Variants in GRHL3 observed in about 807,000 individuals in gnomAD.
The protein encoded by GRHL3 is grainyhead-like protein 3 homolog.
In GRHL3, 20 loss-of-function variants were observed where a neutral mutation model predicts 70.3. That is an observed-to-expected ratio of 0.28 (90% CI 0.20 to 0.41). GRHL3 has a LOEUF of 0.41. Among genes scored for constraint, GRHL3 ranks in the 10% least tolerant of loss-of-function variants. The pLI, the probability that GRHL3 is intolerant of heterozygous loss-of-function variation, is 1.00. For missense variants in GRHL3, 637 were observed against 762.3 expected (o/e 0.84, Z 1.94); for synonymous variants, 299 against 299.9 (o/e 1.00, Z 0.03).
rs897195123 is a variant in GRHL3, at chr1:24,322,810, C to G, written c.17+3242C>G. 6.6e-6 allele frequency among the ~76,000 whole-genome samples: 1 copy of G among 152,262 alleles called. No homozygotes were observed. The highest frequency in any genetic ancestry group is 2.4e-5 in the African/African-American group (1 of 41,462). ...AGCCAACATTTATGGAGCGCTGACTCCGCATCTGACATTGTGTCGAGTGCT... is the reference window on the plus strand; with the variant it reads ...AGCCAACATTTATGGAGCGCTGACTGCGCATCTGACATTGTGTCGAGTGCT... On this transcript the variant is annotated intron_variant, in intron 1 of 15. Coordinates refer to ENST00000361548, the MANE Select transcript of GRHL3 (RefSeq NM_198173.3). This position sits in a 1 kb window ranked among gnomAD's most constrained non-coding sequence, Gnocchi z 4.4.
intron 15 of GRHL3, among the ~76,000 whole-genome samples, chr1:24,351,901 C>T (rs1266956966): frequency 6.6e-6 from 1 of 152,190 alleles, no homozygotes; most frequent in Admixed American, 6.5e-5. Flanking sequence ...AAACTGAGGT[C>T]TGCAGTAGTT....
rs1207812332 is a variant in GRHL3, at chr1:24,364,220, A to AC, written c.1736dup (p.Pro580ThrfsTer2). On this transcript the variant is annotated frameshift_variant, in exon 16 of 16. Coordinates refer to the GRHL3 transcript ENST00000350501. LOFTEE classifies it low-confidence loss of function (END_TRUNC). Reference sequence around the variant, plus strand: ...CTCCTCCACCCACGCCTGTCTCGCCACCCCCCACCTGACTGTCTTGAATGT... The same window carrying AC: ...CTCCTCCACCCACGCCTGTCTCGCCACCCCCCCACCTGACTGTCTTGAATGT... 1.3e-6 allele frequency: 2 copies of AC among 1,539,910 alleles called. No homozygotes were observed. The highest frequency in any genetic ancestry group is 1.8e-6 in the Non-Finnish European group (2 of 1,142,112).
chr1:24,347,027 G>A (rs936503484), intron 13 of GRHL3, among the ~76,000 whole-genome samples: 1 of 152,190 alleles, frequency 6.6e-6, no homozygotes, highest in East Asian at 1.9e-4. Flanking sequence ...TGGGGAACAA[G>A]CCCAAACCTC....
intron 1 of GRHL3, among the ~76,000 whole-genome samples, chr1:24,323,390 G>A (rs768203621): frequency 2.6e-5 from 4 of 152,120 alleles, no homozygotes; most frequent in Non-Finnish European, 5.9e-5. Context: ...ATTCTGATGC[G>A]TGTCCAAGTT....
intron 13 of GRHL3, 84 bp downstream of exon 13, chr1:24,346,725 G>A: frequency 1.8e-6 from 2 of 1,082,260 alleles, no homozygotes; most frequent in South Asian, 1.3e-5. Context: ...CCTCCTTGGG[G>A]TGGGGCACGA....
chr1:24,339,619 C>A, intron 7 of GRHL3, 49 bp from the exon 8 acceptor site: 3 of 1,391,372 alleles, frequency 2.2e-6, no homozygotes, highest in South Asian at 1.2e-5. Flanking sequence ...CTCAAGTGGT[C>A]CCAGATCCCT....
downstream of GRHL3, among the ~76,000 whole-genome samples, chr1:24,358,912 T>C (rs760384931): frequency 1.3e-5 from 2 of 152,164 alleles, no homozygotes; most frequent in African/African-American, 2.4e-5. Context: ...AGTAAAGCAA[T>C]ATTCTTAAAG....
chr1:24,350,767 C>T (rs1220544601), intron 15 of GRHL3, among the ~76,000 whole-genome samples: 3 of 152,230 alleles, frequency 2.0e-5, no homozygotes, highest in Admixed American at 2.0e-4. Flanking sequence ...CCTCCTCCAT[C>T]TTTGCTAGAC....
chr1:24,345,432 G>GC (rs1428521917), intron 12 of GRHL3, among the ~76,000 whole-genome samples: 1 of 151,036 alleles, frequency 6.6e-6, no homozygotes, highest in East Asian at 2.0e-4. Flanking sequence ...ACCAGCTTCT[G>GC]CCCCCAGCCC....
chr1:24,335,337 C>T (rs1639757696), intron 3 of GRHL3, among the ~76,000 whole-genome samples: 1 of 152,224 alleles, frequency 6.6e-6, no homozygotes, highest in Non-Finnish European at 1.5e-5. Context: ...CGGCCCAGGC[C>T]ATGCTTAAGA....
intron 13 of GRHL3, 93 bp from the exon 14 acceptor site, chr1:24,347,375 C>T (rs922331654): frequency 3.8e-5 from 43 of 1,117,004 alleles, no homozygotes; most frequent in Non-Finnish European, 5.9e-5. Flanking sequence ...CAGCAGAAGT[C>T]AATCTTCAAG....
chr1:24,336,408 G>A, intron 3 of GRHL3, 74 bp from the exon 4 acceptor site: 1 of 939,434 alleles, frequency 1.1e-6, no homozygotes, highest in Non-Finnish European at 1.6e-6. Context: ...TGTGTCAGTT[G>A]CCTTGCACTC....
chr1:24,357,215 C>T (rs973938100), downstream of GRHL3: 1 of 152,258 alleles, frequency 6.6e-6, no homozygotes, highest in African/African-American at 2.4e-5. Context: ...CGAGGCCTCA[C>T]TGTGGCTGTG....
chr1:24,329,356 G>A (rs969227455), intron 1 of GRHL3, among the ~76,000 whole-genome samples: 3 of 152,188 alleles, frequency 2.0e-5, no homozygotes, highest in Non-Finnish European at 4.4e-5. Flanking sequence ...CAGCAGGAGG[G>A]TACTTCATGC....
At chr1:24,344,485 GAAAAAAAAAAAA>G (rs57193515) in intron 11 of GRHL3, among the ~76,000 whole-genome samples, 8 of 55,794 alleles carry the variant, frequency 1.4e-4, no homozygotes, top group Admixed American at 5.7e-4. Flanking sequence ...TTTCCCCCCA[GAAAAAAAAAAAA>G]AAAAAAAAAA....
At chr1:24,324,074 A>AC (rs1166927697) in intron 1 of GRHL3, among the ~76,000 whole-genome samples, 9 of 152,130 alleles carry the variant, frequency 5.9e-5, no homozygotes, top group Non-Finnish European at 1.2e-4. Context: ...GGGATGTGGC[A>AC]CCCCCGGGTT....
At chr1:24,343,452 G>A (rs1361225483) in intron 11 of GRHL3, among the ~76,000 whole-genome samples, 1 of 152,134 alleles carries the variant, frequency 6.6e-6, no homozygotes, top group Admixed American at 6.5e-5. Context: ...TGGATCTGTG[G>A]GGTAGAAATG....
chr1:24,327,592 C>T (rs1196951510), intron 1 of GRHL3, among the ~76,000 whole-genome samples: 2 of 152,150 alleles, frequency 1.3e-5, no homozygotes, highest in African/African-American at 4.8e-5. Context: ...GCAGGTCTTC[C>T]CTCCTCCCTC....
intron 15 of GRHL3, among the ~76,000 whole-genome samples, chr1:24,350,574 C>A (rs542433107): frequency 1.2e-4 from 18 of 152,314 alleles, no homozygotes; most frequent in Admixed American, 7.8e-4. Flanking sequence ...GAAACTGAGG[C>A]TCAGAGGTAA....
Sources: gnomAD v4.1 joint callset for allele counts (sites outside exome capture counted in the v4.1 genomes callset) on GRCh38, gnomAD v4.1.1 for gene constraint, Gnocchi (gnomAD v3.1) non-coding constraint, MANE v1.5 for transcripts, NCBI Gene and HGNC (gene_info 2026-07-23, HGNC 2026-07-21) for gene names.